Variants in ALMS1 observed in about 807,000 individuals in gnomAD.
The protein encoded by ALMS1 is ALMS1 centrosome and basal body associated protein.
A neutral mutation model predicts 352.2 loss-of-function variants in ALMS1; 271 were observed. The observed-to-expected ratio is 0.77, with a 90% CI of 0.70 to 0.85. The LOEUF is 0.85. Ranked by LOEUF, ALMS1 falls within the 40% of genes least tolerant of loss-of-function variation. The probability of loss-of-function intolerance (pLI) is 0.00; values close to 1 mark genes in which losing one functional copy is unlikely to be tolerated. For missense variants in ALMS1, 5,445 were observed against 4,870.7 expected, an observed-to-expected ratio of 1.12 and a Z score of -3.51; for synonymous variants, 1,865 against 1,761.2, an observed-to-expected ratio of 1.06 and a Z score of -1.48.
Position 73,386,048 on chromosome 2 carries a change from C to T in ALMS1, c.180C>T (p.Tyr60=). The change falls in exon 1 of 23, where the codon TAC becomes TAT. Residue 60 remains tyrosine, a synonymous_variant. Coordinates refer to ENST00000613296, the MANE Select transcript of ALMS1 (RefSeq NM_001378454.1). Reference sequence around the variant, plus strand: ...GGGAGTTGGACTCCGACTCTCACTACGGGCCCCAGCATCTGGAAAGTATAG... The same window carrying T: ...GGGAGTTGGACTCCGACTCTCACTATGGGCCCCAGCATCTGGAAAGTATAG... The part of the protein sequence containing the change: ...AGRELDSDSH[Y]GPQHLESIDD... The T allele has an allele frequency of 6.3e-7, 1 of 1,578,842 alleles. No individual in the cohort carries two copies.
At chr2:73,591,297 CT>C (rs1675427832) in intron 16 of ALMS1, among the ~76,000 whole-genome samples, 1 of 152,068 alleles carries the variant, frequency 6.6e-6, no homozygotes, top group African/African-American at 2.4e-5. Flanking sequence ...TTAATTTAAG[CT>C]TAAGCTTTTA....
intron 15 of ALMS1, among the ~76,000 whole-genome samples, chr2:73,565,524 G>A (rs931204857): frequency 3.9e-5 from 6 of 152,158 alleles, no homozygotes; most frequent in Non-Finnish European, 5.9e-5. Flanking sequence ...CATCAGGGAG[G>A]TGGAACATAA....
chr2:73,463,168 C>T (rs1246152856), intron 9 of ALMS1, among the ~76,000 whole-genome samples: 1 of 152,180 alleles, frequency 6.6e-6, no homozygotes, highest in African/African-American at 2.4e-5. Context: ...TTCTCAGCAC[C>T]ACACCGCACC....
At chr2:73,509,075 G>T (rs1055632581) in intron 10 of ALMS1, among the ~76,000 whole-genome samples, 1 of 151,826 alleles carries the variant, frequency 6.6e-6, no homozygotes, top group Non-Finnish European at 1.5e-5. Flanking sequence ...TGTTGTTGTT[G>T]TTATTTTTTG....
intron 7 of ALMS1, among the ~76,000 whole-genome samples, chr2:73,433,066 GA>G (rs766997145): frequency 3.0e-4 from 44 of 147,442 alleles, no homozygotes; most frequent in Non-Finnish European, 5.1e-4. Context: ...TAGAGGCATT[GA>G]GGAGAGTGGT....
chr2:73,577,326 T>C (rs906558660), intron 16 of ALMS1, among the ~76,000 whole-genome samples: 2 of 152,214 alleles, frequency 1.3e-5, no homozygotes, highest in African/African-American at 4.8e-5. Flanking sequence ...ATTCAATGTC[T>C]TTTAAGTCTA....
chr2:73,482,270 G>A (rs1672725152), intron 9 of ALMS1, among the ~76,000 whole-genome samples: 1 of 152,156 alleles, frequency 6.6e-6, no homozygotes, highest in South Asian at 2.1e-4. Context: ...CTAATCTATT[G>A]AGAGTTTTTA....
chr2:73,462,870 A>G (rs1396130438), intron 9 of ALMS1: 3 of 152,136 alleles, frequency 2.0e-5, no homozygotes, highest in African/African-American at 4.8e-5. Flanking sequence ...AGGCCATTAC[A>G]TAATGGTAAA....
At chr2:73,538,695 G>C (rs76284750) in intron 12 of ALMS1, among the ~76,000 whole-genome samples, 1 of 152,150 alleles carries the variant, frequency 6.6e-6, no homozygotes, top group Admixed American at 6.5e-5. Flanking sequence ...CTAATACTGC[G>C]CTTTTCCAAC....
intron 2 of ALMS1, among the ~76,000 whole-genome samples, chr2:73,416,101 T>C (rs957131981): frequency 2.6e-5 from 4 of 152,162 alleles, no homozygotes; most frequent in African/African-American, 9.7e-5. Context: ...TCAGAGAGGC[T>C]AAGAGATGAC....
chr2:73,387,901 T>C (rs1010049031), intron 1 of ALMS1, among the ~76,000 whole-genome samples: 1 of 152,238 alleles, frequency 6.6e-6, no homozygotes, highest in East Asian at 1.9e-4. Context: ...ATTTGAGAGA[T>C]ATTTAAGAGG....
At chr2:73,472,930 T>C (rs976571441) in intron 9 of ALMS1, among the ~76,000 whole-genome samples, 5 of 152,114 alleles carry the variant, frequency 3.3e-5, no homozygotes, top group Non-Finnish European at 7.4e-5. Flanking sequence ...GAGTATCAGC[T>C]GTAGAAGCCT....
At chr2:73,544,209 C>T (rs1674260702) in intron 12 of ALMS1, among the ~76,000 whole-genome samples, 1 of 152,126 alleles carries the variant, frequency 6.6e-6, no homozygotes, top group Admixed American at 6.5e-5. Context: ...AGTTCATGTC[C>T]TTTGTAGGGA....
Position 73,490,746 on chromosome 2 carries a change from CTT to C in ALMS1, c.8789_8790del (p.Phe2930Ter). ...SCIFLEQRELFEQCKAPYVDH... is the reference protein window; with the variant it reads ...SCIFLEQRELXEQCKAPYVDH... ...GCATTTTTCTTGAACAACGAGAACT[CTT>C]TGAACAGTGCAAAGCCCCATATGTA... On this transcript the variant is annotated frameshift_variant, in exon 10 of 23. Coordinates refer to ENST00000613296, the MANE Select transcript of ALMS1 (RefSeq NM_001378454.1). LOFTEE classifies it high-confidence loss of function. 3 of 1,614,166 alleles carry C rather than the reference CTT, an allele frequency of 1.9e-6. No individual in the cohort carries two copies. The highest frequency in any genetic ancestry group is 2.5e-6 in the Non-Finnish European group (3 of 1,180,022).
chr2:73,435,640 G>T (rs1007119019), intron 7 of ALMS1, among the ~76,000 whole-genome samples: 1 of 149,172 alleles, frequency 6.7e-6, no homozygotes, highest in African/African-American at 2.5e-5. Flanking sequence ...TTGCTCTGTT[G>T]CCCAGGTTGG....
Position 73,559,116 on chromosome 2 carries a change from A to G in ALMS1, c.10358A>G (p.Lys3453Arg), listed in dbSNP as rs1181838405. ...CCCGAGGAAGCCTGGCCAAACAATA[A>G]AGAATCCCTACAGATCAATATTGAA... ...TVPEEAWPNNKESLQINIEES... is the reference protein window; with the variant it reads ...TVPEEAWPNNRESLQINIEES... Residue 3453 changes from lysine to arginine, a missense_variant, in exon 15 of 23, where the codon AAA becomes AGA. Lys to Arg is a conservative substitution (Grantham distance 26). Coordinates refer to ENST00000613296, the MANE Select transcript of ALMS1 (RefSeq NM_001378454.1). 1.2e-6 allele frequency: 2 copies of G among 1,613,804 alleles called. No homozygotes were observed. Among genetic ancestry groups the G allele is most frequent in the South Asian group, 2.2e-5 (2 of 91,056 alleles).
At chr2:73,431,422 TC>T (rs1327624313) in intron 6 of ALMS1, among the ~76,000 whole-genome samples, 1 of 152,206 alleles carries the variant, frequency 6.6e-6, no homozygotes, top group Non-Finnish European at 1.5e-5. Flanking sequence ...ACTGAAATAA[TC>T]TTTTTAGGGA....
chr2:73,479,381 C>T (rs971884105), intron 9 of ALMS1, among the ~76,000 whole-genome samples: 1 of 152,158 alleles, frequency 6.6e-6, no homozygotes, highest in African/African-American at 2.4e-5. Context: ...CTCTCCTGCC[C>T]CACCTTTTAC....
chr2:73,526,235 TGCTTAAG>T (rs1673788848), intron 11 of ALMS1, among the ~76,000 whole-genome samples: 1 of 152,222 alleles, frequency 6.6e-6, no homozygotes, highest in South Asian at 2.1e-4. Context: ...TCGTTCTTTA[TGCTTAAG>T]ATAGCTTTGT....
Sources: gnomAD v4.1 joint callset for allele counts (sites outside exome capture counted in the v4.1 genomes callset) on GRCh38, gnomAD v4.1.1 for gene constraint, MANE v1.5 for transcripts, NCBI Gene and HGNC (gene_info 2026-07-23, HGNC 2026-07-21) for gene names.